HIP1: variants seen among roughly 807,000 people sequenced by gnomAD.
HIP1 encodes the protein huntingtin interacting protein 1.
Under a neutral mutation model 147.6 loss-of-function variants are expected in HIP1, and 65 were observed. The ratio of observed to expected loss-of-function variants is 0.44; its 90% CI spans 0.36 to 0.54. HIP1 has a LOEUF of 0.54. HIP1 is among the 20% of genes least tolerant of loss of function. The probability of loss-of-function intolerance (pLI) is 0.00; values close to 1 mark genes in which losing one functional copy is unlikely to be tolerated. For synonymous variants in HIP1, 479 were observed against 504.0 expected, an observed-to-expected ratio of 0.95 and a Z score of 0.67; for missense variants, 1,061 against 1,299.6, an observed-to-expected ratio of 0.82 and a Z score of 2.82.
At chr7:75,611,168 A>G (rs1797420154) in intron 1 of HIP1, among the ~76,000 whole-genome samples, 1 of 151,574 alleles carries the variant, frequency 6.6e-6, no homozygotes, top group Admixed American at 6.6e-5. Flanking sequence ...AAATTTTTTT[A>G]GAAAGAGTCC....
At chr7:75,729,471 A>G (rs1168236648) in intron 1 of HIP1, among the ~76,000 whole-genome samples, 7 of 151,772 alleles carry the variant, frequency 4.6e-5, no homozygotes. Flanking sequence ...TGGGCAACAC[A>G]GCAAGACTCT....
chr7:75,617,718 C>A (rs1554506366), intron 1 of HIP1, among the ~76,000 whole-genome samples: 1 of 152,234 alleles, frequency 6.6e-6, no homozygotes, highest in African/African-American at 2.4e-5. Context: ...ATATGCCCTC[C>A]TCTCACCCAC....
At chr7:75,674,524 A>G (rs2705817) in intron 1 of HIP1, among the ~76,000 whole-genome samples, 84,253 of 149,142 alleles carry the variant, frequency 0.56, 24,290 homozygotes, top group African/African-American at 0.66. Context: ...ACAGAGTCTC[A>G]CTCTGTCGCC....
At chr7:75,677,103 G>C (rs1479264102) in intron 1 of HIP1, among the ~76,000 whole-genome samples, 1 of 147,086 alleles carries the variant, frequency 6.8e-6, no homozygotes, top group Non-Finnish European at 1.5e-5. Context: ...GCTGAGGCAG[G>C]AGAATCGCTT....
intron 1 of HIP1, among the ~76,000 whole-genome samples, chr7:75,695,479 C>G (rs915598101): frequency 1.3e-5 from 2 of 152,196 alleles, no homozygotes; most frequent in African/African-American, 4.8e-5. Flanking sequence ...GTCAGCTTCT[C>G]CAGCCCACTC....
chr7:75,613,423 AAAT>A (rs1554505416), intron 1 of HIP1, among the ~76,000 whole-genome samples: 1 of 152,112 alleles, frequency 6.6e-6, no homozygotes, highest in African/African-American at 2.4e-5. Flanking sequence ...TCTTGATCAA[AAAT>A]AATAATAATC....
chr7:75,656,652 T>A (rs1224484755), intron 1 of HIP1, among the ~76,000 whole-genome samples: 2 of 152,090 alleles, frequency 1.3e-5, no homozygotes, highest in African/African-American at 4.8e-5. Context: ...TAATTTTATA[T>A]TTTTGGTAGA....
At chr7:75,580,143 T>TTGGGTGACAACCAGTCC (rs1554498345) in intron 7 of HIP1, among the ~76,000 whole-genome samples, 1 of 152,196 alleles carries the variant, frequency 6.6e-6, no homozygotes, top group Non-Finnish European at 1.5e-5. Flanking sequence ...TCATGTGGAC[T>TTGGGTGACAACCAGTCC]TGGGTGACAA....
At chr7:75,687,807 T>A (rs546068585) in intron 1 of HIP1, among the ~76,000 whole-genome samples, 1 of 152,288 alleles carries the variant, frequency 6.6e-6, no homozygotes, top group East Asian at 1.9e-4. Context: ...CCCAGCCTCC[T>A]TTCCATGGTG....
intron 1 of HIP1, among the ~76,000 whole-genome samples, chr7:75,717,951 C>T (rs1801373656): frequency 6.7e-6 from 1 of 149,276 alleles, no homozygotes; most frequent in Non-Finnish European, 1.5e-5. Context: ...GCCTGGGTGA[C>T]AGAGCGAAAC....
In HIP1 at chr7:75,536,785, A is replaced by C. The variant is rs1554488759; in HGVS notation, c.*1387T>G. ...CCTTGGCCTTTCTTCTGATTCTTGA[A>C]GGCTGATGTAGCCGGGCAGAAAGAT... On this transcript the variant is annotated 3_prime_UTR_variant, in exon 31 of 31. Coordinates refer to ENST00000336926, the MANE Select transcript of HIP1 (RefSeq NM_005338.7). 2 of 229,810 alleles carry C rather than the reference A, an allele frequency of 8.7e-6. No individual in the cohort carries two copies. Among genetic ancestry groups the C allele is most frequent in the African/African-American group, 4.4e-5 (2 of 45,134 alleles). 14.2% of individuals were successfully genotyped at this position (229,810 alleles called of 1,614,324 possible).
chr7:75,682,689 T>C (rs1800131005), intron 1 of HIP1, among the ~76,000 whole-genome samples: 1 of 152,126 alleles, frequency 6.6e-6, no homozygotes, highest in Non-Finnish European at 1.5e-5. Flanking sequence ...TCTTTAACCC[T>C]GGAATGCTTA....
chr7:75,596,302 G>A (rs191481194), intron 2 of HIP1, among the ~76,000 whole-genome samples: 83 of 150,942 alleles, frequency 5.5e-4, no homozygotes, highest in Non-Finnish European at 1.5e-5. Context: ...CTACTGTATG[G>A]AGTTGATTTT....
intron 1 of HIP1, among the ~76,000 whole-genome samples, chr7:75,692,777 TACG>T (rs1800506102): frequency 6.6e-6 from 1 of 152,076 alleles, no homozygotes; most frequent in Non-Finnish European, 1.5e-5. Flanking sequence ...TCATGACAGA[TACG>T]ACATAATTCT....
Position 75,534,884 on chromosome 7 carries a change from C to T in HIP1, c.*3288G>A. 4.8e-6 allele frequency: 1 copy of T among 206,958 alleles called. No homozygotes were observed. The allele number at this position is 206,958 out of a possible 1,614,324, so 12.8% of individuals were successfully genotyped here. A position where few individuals can be genotyped will look rare whatever the true frequency, so the allele number is the denominator to read the frequency against. On this transcript the variant is annotated 3_prime_UTR_variant, in exon 31 of 31. Coordinates refer to ENST00000336926, the MANE Select transcript of HIP1 (RefSeq NM_005338.7). The stretch of plus-strand genomic sequence containing the variant: ...CCCATCTTGTCATGACCCATTTACG[C>T]TCACCCGAGACTTGTCACTAGTGAT...
chr7:75,581,304 C>A lies in HIP1; in HGVS notation c.543-6G>T. On this transcript the variant is annotated splice_region_variant and splice_polypyrimidine_tract_variant and intron_variant, in intron 6 of 30. Transcript: ENST00000336926. ...TCTCCACTGTTAACTGGAAACTGGACCCAAGAGGAAAGAGAGCTTACACTC... is the reference window on the plus strand; with the variant it reads ...TCTCCACTGTTAACTGGAAACTGGAACCAAGAGGAAAGAGAGCTTACACTC... 6.2e-7 allele frequency: 1 copy of A among 1,610,096 alleles called. No homozygotes were observed. Among genetic ancestry groups the A allele is most frequent in the Non-Finnish European group, 8.5e-7 (1 of 1,177,722 alleles).
chr7:75,601,433 A>G (rs1796968149), intron 1 of HIP1, among the ~76,000 whole-genome samples: 1 of 151,936 alleles, frequency 6.6e-6, no homozygotes, highest in South Asian at 2.1e-4. Flanking sequence ...TACTAAAAAT[A>G]CAAAAATTAG....
intron 1 of HIP1, among the ~76,000 whole-genome samples, chr7:75,635,470 C>G (rs1006458690): frequency 1.3e-5 from 2 of 150,556 alleles, no homozygotes; most frequent in African/African-American, 4.9e-5. Context: ...CCCAGCTACT[C>G]GGGAGGCTAA....
rs150556410 is a variant in HIP1, at chr7:75,631,878, G to A, written c.121-32631C>T. 7.6e-3 allele frequency among the ~76,000 whole-genome samples: 1,156 copies of A among 152,156 alleles called. 17 individuals carry two copies. Among genetic ancestry groups the A allele is most frequent in the African/African-American group, 0.027 (1,103 of 41,520 alleles). ...CTTCAAGAAACTCACCCAGCTGCGC[G>A]TGTGTTGTGGGGGAGATTGGAGTAG... is the stretch of plus-strand genomic sequence containing the variant. On this transcript the variant is annotated intron_variant, in intron 1 of 30. Coordinates refer to ENST00000336926, the MANE Select transcript of HIP1 (RefSeq NM_005338.7).
Sources: gnomAD v4.1 joint callset for allele counts (sites outside exome capture counted in the v4.1 genomes callset) on GRCh38, gnomAD v4.1.1 for gene constraint, MANE v1.5 for transcripts, NCBI Gene and HGNC (gene_info 2026-07-23, HGNC 2026-07-21) for gene names.